The following CPLX2 variants were observed in gnomAD, a reference collection of about 807,000 sequenced individuals.
CPLX2 encodes the protein complexin-2.
In CPLX2, 5 loss-of-function variants were observed where a neutral mutation model predicts 16.3. The ratio of observed to expected loss-of-function variants is 0.31; its 90% CI spans 0.16 to 0.64. The LOEUF (loss-of-function observed/expected upper bound fraction) is 0.64. Ranked by LOEUF, CPLX2 falls within the 30% of genes least tolerant of loss-of-function variation. CPLX2 has a pLI of 0.79. For synonymous variants in CPLX2, 89 were observed against 73.2 expected (o/e 1.22, Z -1.10); for missense variants, 144 against 181.4 (o/e 0.79, Z 1.18).
At chr5:175,818,790 T>G (rs1758456537) in intron 2 of CPLX2, among the ~76,000 whole-genome samples, 1 of 148,316 alleles carries the variant, frequency 6.7e-6, no homozygotes, top group South Asian at 2.2e-4. Flanking sequence ...GCCTCCCAAG[T>G]AGCTGGGACT....
intron 2 of CPLX2, among the ~76,000 whole-genome samples, chr5:175,853,754 C>A (rs999152127): frequency 2.0e-5 from 3 of 152,208 alleles, no homozygotes; most frequent in Non-Finnish European, 4.4e-5. Flanking sequence ...TGGAACCACA[C>A]GGCCAGAGCA....
upstream of CPLX2, among the ~76,000 whole-genome samples, chr5:175,870,156 T>C (rs1426206662): frequency 6.6e-6 from 1 of 152,182 alleles, no homozygotes; most frequent in Admixed American, 6.5e-5. Flanking sequence ...AGAATAAGCA[T>C]TCTATGCTGA....
rs1755580797 is a variant in CPLX2, at chr5:175,881,046, C to T, written c.*1001C>T. 1 of 152,980 alleles carries T rather than the reference C, an allele frequency of 6.5e-6. No individual in the cohort carries two copies. Among genetic ancestry groups the T allele is most frequent in the Non-Finnish European group, 1.5e-5 (1 of 68,128 alleles). The allele number at this position is 152,980 out of a possible 1,614,324, so 9.5% of individuals were successfully genotyped here. ...TCCCACTTGACAGAAGGCGTCCATCCATTCATCTCATTGGCCAAGGACAAA... is the reference window on the plus strand; with the variant it reads ...TCCCACTTGACAGAAGGCGTCCATCTATTCATCTCATTGGCCAAGGACAAA... On this transcript the variant is annotated 3_prime_UTR_variant, in exon 4 of 4. Transcript: ENST00000393745.
chr5:175,844,172 C>T (rs1197064028), intron 2 of CPLX2, among the ~76,000 whole-genome samples: 1 of 152,206 alleles, frequency 6.6e-6, no homozygotes, highest in Admixed American at 6.5e-5. Context: ...GTGGGAATCA[C>T]CAATGCCCAG....
chr5:175,834,849 G>A (rs1758798328), intron 2 of CPLX2, among the ~76,000 whole-genome samples: 1 of 152,176 alleles, frequency 6.6e-6, no homozygotes, highest in African/African-American at 2.4e-5. Flanking sequence ...ACTCCAGCCT[G>A]GGCGACAGAG....
intron 2 of CPLX2, among the ~76,000 whole-genome samples, chr5:175,820,562 G>A (rs545126952): frequency 7.9e-5 from 12 of 152,286 alleles, no homozygotes; most frequent in Non-Finnish European, 8.8e-5. Flanking sequence ...GGCCTTTCTC[G>A]TCTCAAGGAC....
intron 2 of CPLX2, among the ~76,000 whole-genome samples, chr5:175,851,536 T>C (rs1431347710): frequency 6.6e-6 from 1 of 152,200 alleles, no homozygotes; most frequent in African/African-American, 2.4e-5. Context: ...CTTTCCCACC[T>C]GTGAAATGGG....
chr5:175,865,041 A>G (rs1759446521), intron 2 of CPLX2, among the ~76,000 whole-genome samples: 1 of 151,298 alleles, frequency 6.6e-6, no homozygotes, highest in Non-Finnish European at 1.5e-5. Context: ...GCCTCCCTTC[A>G]TCCAACCCTC....
intron 2 of CPLX2, among the ~76,000 whole-genome samples, chr5:175,836,592 C>T (rs1005579056): frequency 5.3e-5 from 8 of 152,122 alleles, no homozygotes; most frequent in African/African-American, 1.9e-4. Flanking sequence ...GTTTGTCCAA[C>T]CAGCTGCAAG....
At chr5:175,796,710 G>C (rs1415080184) in exon 1 of CPLX2, 1 of 152,414 alleles carries the variant, frequency 6.6e-6, no homozygotes, top group Non-Finnish European at 1.5e-5. Flanking sequence ...TCAAGGAAGA[G>C]GGGGAGGGAG....
chr5:175,867,089 A>G (rs1759491654), upstream of CPLX2, among the ~76,000 whole-genome samples: 1 of 152,098 alleles, frequency 6.6e-6, no homozygotes. Context: ...AAAATAAAAT[A>G]AGAATGAAAG....
chr5:175,867,722 C>A (rs1561788799), upstream of CPLX2, among the ~76,000 whole-genome samples: 1 of 151,990 alleles, frequency 6.6e-6, no homozygotes, highest in African/African-American at 2.4e-5. Flanking sequence ...GCCTGCCCTG[C>A]CACACGCTGA....
At position 175,830,429 on chromosome 5, in the gene CPLX2, C is replaced by T. The variant is rs919681808; in HGVS notation, c.-89+21361C>T. Among the ~76,000 whole-genome samples, 16 of 152,332 alleles carry T rather than the reference C, an allele frequency of 1.1e-4. No individual in the cohort carries two copies. Among genetic ancestry groups the T allele is most frequent in the African/African-American group, 3.8e-4 (16 of 41,580 alleles). On this transcript the variant is annotated intron_variant, in intron 2 of 4. Coordinates refer to the CPLX2 transcript ENST00000359546. This position sits in a 1 kb window ranked among gnomAD's most constrained non-coding sequence, Gnocchi z 4.0. The stretch of plus-strand genomic sequence containing the variant: ...ACCATCATGCCTGTCTCCTTCCCCG[C>T]CCCCGGAGGTGCGTGATGCCCCCAC...
upstream of CPLX2, among the ~76,000 whole-genome samples, chr5:175,871,183 C>A (rs1759583271): frequency 6.6e-6 from 1 of 151,846 alleles, no homozygotes; most frequent in South Asian, 2.1e-4. Flanking sequence ...GCCCCCACCA[C>A]TCCTCAGGAG....
rs993472218 is a variant in CPLX2, at chr5:175,816,174, C to CT, written c.-89+7118dup. On this transcript the variant is annotated intron_variant, in intron 2 of 4. Coordinates refer to the CPLX2 transcript ENST00000359546. ...AGTGAGTGGAGAACTCACAGTCACT[C>CT]TTTTTTTTTTTTGAGACAGAGTCTC... 9.5e-3 allele frequency among the ~76,000 whole-genome samples: 1,394 copies of CT among 146,348 alleles called. 15 individuals are homozygous for CT. The highest frequency in any genetic ancestry group is 0.022 in the African/African-American group (899 of 40,158).
At chr5:175,813,789 A>G (rs958871672) in intron 2 of CPLX2, among the ~76,000 whole-genome samples, 23 of 152,258 alleles carry the variant, frequency 1.5e-4, no homozygotes. Context: ...GGTTGATTAC[A>G]TCAAGGAGAG....
At chr5:175,870,489 G>T (rs1759566515), upstream of CPLX2, among the ~76,000 whole-genome samples, 1 of 152,208 alleles carries the variant, frequency 6.6e-6, no homozygotes, top group Non-Finnish European at 1.5e-5. Context: ...TGAAACTCCT[G>T]CAGATCTTTC....
intron 1 of CPLX2, chr5:175,878,196 G>C: frequency 6.5e-6 from 1 of 152,890 alleles, no homozygotes; most frequent in Non-Finnish European, 1.5e-5. Context: ...GCCCAGGCTG[G>C]GCCCCCTCCA....
intron 2 of CPLX2, among the ~76,000 whole-genome samples, chr5:175,857,570 C>T (rs1291367335): frequency 1.3e-5 from 2 of 152,210 alleles, no homozygotes; most frequent in African/African-American, 4.8e-5. Context: ...AAGTCAACTA[C>T]CACAAAGCTG....
Sources: allele counts gnomAD v4.1 joint callset (sites outside exome capture counted in the v4.1 genomes callset), GRCh38; gene constraint gnomAD v4.1.1; non-coding constraint Gnocchi (gnomAD v3.1); transcripts MANE v1.5; gene names NCBI Gene and HGNC (gene_info 2026-07-23, HGNC 2026-07-21).